MICAL2: variants seen among roughly 807,000 people sequenced by gnomAD.
The protein encoded by MICAL2 is microtubule associated monooxygenase, calponin and LIM domain containing 2, also known as [F-actin]-monooxygenase MICAL2.
Under a neutral mutation model 127.3 loss-of-function variants are expected in MICAL2, and 77 were observed. The observed-to-expected ratio is 0.60, with a 90% CI of 0.50 to 0.73. MICAL2 has a LOEUF of 0.73. MICAL2 is among the 30% of genes least tolerant of loss of function. MICAL2 has a pLI of 0.00. For missense variants in MICAL2, 1,351 were observed against 1,434.4 expected (o/e 0.94, Z 0.94); for synonymous variants, 570 against 551.1 (o/e 1.03, Z -0.48).
At chr11:12,231,285 T>C (rs904607158) in intron 15 of MICAL2, among the ~76,000 whole-genome samples, 1 of 152,254 alleles carries the variant, frequency 6.6e-6, no homozygotes, top group Non-Finnish European at 1.5e-5. Flanking sequence ...TACTTGTCCC[T>C]GGAGAGCTCA....
At chr11:12,344,204 G>A (rs1938915758) in intron 32 of MICAL2, among the ~76,000 whole-genome samples, 1 of 152,058 alleles carries the variant, frequency 6.6e-6, no homozygotes, top group Non-Finnish European at 1.5e-5. Flanking sequence ...GCTGAGGCAG[G>A]AGAATCTCTT....
intron 3 of MICAL2, among the ~76,000 whole-genome samples, chr11:12,187,408 C>T (rs1220751923): frequency 6.6e-6 from 1 of 152,206 alleles, no homozygotes. Context: ...GGTCCTGGGT[C>T]TCCATCCTTA....
chr11:12,339,759 C>T (rs982679253), intron 32 of MICAL2, among the ~76,000 whole-genome samples: 2 of 152,140 alleles, frequency 1.3e-5, no homozygotes, highest in East Asian at 1.9e-4. Context: ...TGCAGAACAG[C>T]GGATATTGGT....
intron 3 of MICAL2, among the ~76,000 whole-genome samples, chr11:12,181,363 C>T (rs1236801203): frequency 6.6e-6 from 1 of 152,180 alleles, no homozygotes; most frequent in Non-Finnish European, 1.5e-5. Context: ...TAGAAATTCT[C>T]GATTAAAGTC....
intron 1 of MICAL2, among the ~76,000 whole-genome samples, chr11:12,136,174 C>G (rs1246263145): frequency 6.6e-6 from 1 of 152,050 alleles, no homozygotes; most frequent in Non-Finnish European, 1.5e-5. Context: ...AGACCTCGTG[C>G]TTCTTTGCTT....
At chr11:12,248,632 C>G (rs577172570) in intron 21 of MICAL2, among the ~76,000 whole-genome samples, 2 of 150,002 alleles carry the variant, frequency 1.3e-5, no homozygotes, top group East Asian at 3.9e-4. Flanking sequence ...GGAGCTTTCT[C>G]TACCCTTGGG....
intron 24 of MICAL2, among the ~76,000 whole-genome samples, chr11:12,258,086 A>T (rs2134674568): frequency 6.6e-6 from 1 of 152,318 alleles, no homozygotes; most frequent in Non-Finnish European, 1.5e-5. Context: ...CCTATTTATT[A>T]TAAAGGATGC....
chr11:12,242,505 C>A, intron 19 of MICAL2, 73 bp downstream of exon 19: 1 of 1,514,948 alleles, frequency 6.6e-7, no homozygotes, highest in Non-Finnish European at 9.0e-7. Flanking sequence ...CTCCTCCTAC[C>A]CGGGTGGGTT....
At chr11:12,169,738 G>A (rs972840188) in intron 3 of MICAL2, among the ~76,000 whole-genome samples, 1 of 152,210 alleles carries the variant, frequency 6.6e-6, no homozygotes, top group African/African-American at 2.4e-5. Context: ...TTTAAACAGT[G>A]CTGCAGTGCA....
At chr11:12,307,697 G>T (rs1410440931) in intron 29 of MICAL2, among the ~76,000 whole-genome samples, 3 of 152,076 alleles carry the variant, frequency 2.0e-5, no homozygotes, top group African/African-American at 7.2e-5. Context: ...AATTGCTTCG[G>T]TACCACTTGT....
At chr11:12,127,733 T>C in intron 1 of MICAL2, among the ~76,000 whole-genome samples, 1 of 152,144 alleles carries the variant, frequency 6.6e-6, no homozygotes, top group Non-Finnish European at 1.5e-5. Flanking sequence ...TTGAGTGCTC[T>C]TGAGCAGAGG....
intron 32 of MICAL2, among the ~76,000 whole-genome samples, chr11:12,349,039 C>T (rs1170341872): frequency 2.6e-5 from 4 of 152,310 alleles, no homozygotes; most frequent in East Asian, 3.9e-4. Context: ...TTCCCCTCTG[C>T]GTATGGGACC....
chr11:12,206,913 C>T (rs546528872), intron 4 of MICAL2, among the ~76,000 whole-genome samples: 1 of 152,266 alleles, frequency 6.6e-6, no homozygotes, highest in Non-Finnish European at 1.5e-5. Context: ...GCCAGCCCTC[C>T]AGCCCTGTTG....
downstream of MICAL2, among the ~76,000 whole-genome samples, chr11:12,290,156 G>A (rs772060750): frequency 2.6e-5 from 4 of 152,334 alleles, no homozygotes; most frequent in Non-Finnish European, 5.9e-5. Flanking sequence ...CAAGGGGCTC[G>A]GCCTGAGCTG....
At chr11:12,168,031 A>G (rs895949042) in intron 3 of MICAL2, among the ~76,000 whole-genome samples, 5 of 152,132 alleles carry the variant, frequency 3.3e-5, no homozygotes, top group East Asian at 3.9e-4. Flanking sequence ...GCCAGGTGGG[A>G]TGGTTCACGC....
At chr11:12,179,292 C>A (rs1857174469) in intron 3 of MICAL2, among the ~76,000 whole-genome samples, 1 of 152,148 alleles carries the variant, frequency 6.6e-6, no homozygotes, top group African/African-American at 2.4e-5. Context: ...ACTGTAGGCA[C>A]TTTCCGTGTT....
At chr11:12,242,086 T>TTTGGAATC in intron 18 of MICAL2, 128 bp from the exon 19 acceptor site, 1 of 726,028 alleles carries the variant, frequency 1.4e-6, no homozygotes, top group Non-Finnish European at 2.2e-6. Flanking sequence ...CTGGGGCTAG[T>TTTGGAATC]TTGGAATCTT....
rs553285474 is a variant in MICAL2 at position 12,249,203 on chromosome 11, G to C, written c.2804G>C (p.Gly935Ala). 4.3e-6 allele frequency: 7 copies of C among 1,613,502 alleles called. No individual in the cohort carries two copies. In the African/African-American group the frequency reaches 9.3e-5, roughly 22 times the overall value. Residue 935 changes from glycine (G) to alanine (A), a missense_variant, in exon 22 of 28, where the codon GGG (glycine) becomes GCG (alanine). Coordinates refer to ENST00000683283, the MANE Select transcript of MICAL2 (RefSeq NM_001282663.2). ...PARKEKKSPS[G>A]FHFHPSHLRT... is the part of the protein sequence containing the mutation. ...CTAAAGGAAAAGAAGTCACCTTCAG[G>C]GTTCCATTTTCATCCCAGCCATTTG...
At chr11:12,320,349 T>C (rs1297077368) in intron 30 of MICAL2, among the ~76,000 whole-genome samples, 3 of 152,158 alleles carry the variant, frequency 2.0e-5, no homozygotes, top group Non-Finnish European at 4.4e-5. Context: ...AACATTAATG[T>C]TTTTGGAGAA....
Sources: allele counts gnomAD v4.1 joint callset (sites outside exome capture counted in the v4.1 genomes callset), GRCh38; gene constraint gnomAD v4.1.1; transcripts MANE v1.5; gene names NCBI Gene and HGNC (gene_info 2026-07-23, HGNC 2026-07-21).